The following DENND2B variants were observed in gnomAD, a reference collection of about 807,000 sequenced individuals.
DENND2B encodes DENN domain-containing protein 2B.
Under a neutral mutation model 116.0 loss-of-function variants are expected in DENND2B, and 32 were observed. That is an observed-to-expected ratio of 0.28 (90% confidence interval 0.21 to 0.37). The LOEUF is 0.37. Ranked by LOEUF, DENND2B falls within the 10% of genes least tolerant of loss-of-function variation. The pLI, the probability that DENND2B is intolerant of heterozygous loss-of-function variation, is 1.00. For synonymous variants in DENND2B, 588 were observed against 583.9 expected (o/e 1.01, Z -0.10); for missense variants, 1,276 against 1,477.7 (o/e 0.86, Z 2.24).
At chr11:8,833,501 C>G (rs2062298070) in intron 4 of DENND2B, among the ~76,000 whole-genome samples, 1 of 152,092 alleles carries the variant, frequency 6.6e-6, no homozygotes, top group Admixed American at 6.5e-5. Flanking sequence ...AAACCTTAAT[C>G]AGTTGCTAGC....
At chr11:8,727,900 GTTTTT>G (rs35687800) in intron 3 of DENND2B, among the ~76,000 whole-genome samples, 2 of 121,652 alleles carry the variant, frequency 1.6e-5, no homozygotes, top group Admixed American at 8.8e-5. Context: ...TTCTCCCCAG[GTTTTT>G]TTTTTTTTTT....
chr11:8,771,560 A>AGC (rs1555183115), intron 1 of DENND2B: 3 of 149,608 alleles, frequency 2.0e-5, no homozygotes, highest in Non-Finnish European at 4.5e-5. Flanking sequence ...AGAGAGAGAG[A>AGC]GAGAGAGCCT....
intron 4 of DENND2B, among the ~76,000 whole-genome samples, chr11:8,724,728 A>T (rs1163792372): frequency 6.6e-6 from 1 of 152,226 alleles, no homozygotes; most frequent in Non-Finnish European, 1.5e-5. Flanking sequence ...ACAGTTCCAG[A>T]CTGTATTTTA....
intron 1 of DENND2B, among the ~76,000 whole-genome samples, chr11:8,801,367 A>C (rs1018852095): frequency 6.6e-6 from 1 of 152,114 alleles, no homozygotes; most frequent in African/African-American, 2.4e-5. Flanking sequence ...CAAACCCAAC[A>C]GACAAGCCAC....
In DENND2B at chr11:8,730,483, G is replaced by A; in HGVS notation, c.807C>T (p.Leu269=). The change falls in exon 3 of 20, where the codon CTC becomes CTT. Residue 269 remains leucine (L), a synonymous_variant. Coordinates refer to ENST00000313726, the MANE Select transcript of DENND2B (RefSeq NM_213618.2). This position sits in a 1 kb window ranked among gnomAD's most constrained non-coding sequence, Gnocchi z 4.1. The stretch of plus-strand genomic sequence containing the variant: ...TCTCCTTCCTGCTGCCATGCCCCCT[G>A]AGGAAGGCGCTGGGCTCACTCCGGC... The part of the protein sequence containing the change: ...RLGRSEPSAF[L]RGHGSRKESS... 6.2e-7 allele frequency: 1 copy of A among 1,612,156 alleles called. No individual in the cohort carries two copies. The highest frequency in any genetic ancestry group is 8.5e-7 in the Non-Finnish European group (1 of 1,180,026).
chr11:8,784,852 A>G (rs2058745382), intron 1 of DENND2B, among the ~76,000 whole-genome samples: 1 of 150,290 alleles, frequency 6.7e-6, no homozygotes. Flanking sequence ...AAAAAAAAAG[A>G]AAAGAAACAG....
At chr11:8,863,107 G>A (rs1460662179) in intron 2 of DENND2B, among the ~76,000 whole-genome samples, 1 of 151,704 alleles carries the variant, frequency 6.6e-6, no homozygotes, top group East Asian at 1.9e-4. Flanking sequence ...CTTGAGCCTG[G>A]GAGTTCGAGA....
intron 1 of DENND2B, among the ~76,000 whole-genome samples, chr11:8,893,262 C>A (rs2064056733): frequency 6.6e-6 from 1 of 152,108 alleles, no homozygotes; most frequent in South Asian, 2.1e-4. Context: ...ATAATAAGAG[C>A]TACTTATGAC....
chr11:8,730,177 G>A lies in DENND2B; in HGVS notation c.1113C>T (p.Ser371=), dbSNP rs576320814. Reference sequence around the variant, plus strand: ...GGGAACTCTTCGATGGCAGCCGCTGGGAGCTAGGGCTATTTCCAGGGGTCC... The same window carrying A: ...GGGAACTCTTCGATGGCAGCCGCTGAGAGCTAGGGCTATTTCCAGGGGTCC... ...KPGTPGNSPS[S]QRLPSKSSLD... The change falls in exon 3 of 20, where the codon TCC becomes TCT. Residue 371 remains serine, a synonymous_variant. Coordinates refer to ENST00000313726, the MANE Select transcript of DENND2B (RefSeq NM_213618.2). The surrounding 1 kb of genome is among the most constrained non-coding windows in gnomAD (Gnocchi z 4.1). 1.1e-4 allele frequency: 182 copies of A among 1,614,116 alleles called. 3 individuals carry two copies. In the South Asian group the frequency reaches 1.9e-3, roughly 17 times the overall value.
At position 8,731,213 on chromosome 11, in the gene DENND2B, G is replaced by T. The variant is rs182856766; in HGVS notation, c.81-4C>A. ...AGGTGGAGAGACTGACTGAGACCTG[G>T]GGGCAAAACAAAACAAAGGAAAAGA... On this transcript the variant is annotated splice_polypyrimidine_tract_variant and splice_region_variant and intron_variant, in intron 2 of 19. Coordinates refer to ENST00000313726, the MANE Select transcript of DENND2B (RefSeq NM_213618.2). 7,017 of 1,485,214 alleles carry T rather than the reference G, an allele frequency of 4.7e-3. 29 individuals carry two copies. Among genetic ancestry groups the T allele is most frequent in the Admixed American group, 5.8e-3 (220 of 37,778 alleles). 92.0% of individuals were successfully genotyped at this position (1,485,214 alleles called of 1,614,324 possible).
chr11:8,725,397 G>A (rs894751069), intron 4 of DENND2B, among the ~76,000 whole-genome samples: 8 of 148,084 alleles, frequency 5.4e-5, no homozygotes, highest in African/African-American at 1.5e-4. Flanking sequence ...TTTTTGAGAC[G>A]GAGTTTCACT....
At chr11:8,794,711 A>T (rs1396765909) in intron 1 of DENND2B, 1 of 152,288 alleles carries the variant, frequency 6.6e-6, no homozygotes, top group African/African-American at 2.4e-5. Flanking sequence ...GCTGAAGTAG[A>T]CAGCAAAGGG....
chr11:8,693,750 G>A lies in DENND2B; in HGVS notation c.*346C>T, dbSNP rs1365449058. The A allele has an allele frequency of 3.9e-6, 1 of 253,312 alleles. No homozygotes were observed. Among genetic ancestry groups the A allele is most frequent in the Non-Finnish European group, 7.5e-6 (1 of 132,910 alleles). 15.7% of individuals were successfully genotyped at this position (253,312 alleles called of 1,614,324 possible). A position where few individuals can be genotyped will look rare whatever the true frequency, so the allele number is the denominator to read the frequency against. Reference sequence around the variant, plus strand: ...AGGCAGGCCGAAGGCCTCCAGGGAAGATCAGTGGTTTGGCTGAGACAGTCA... The same window carrying A: ...AGGCAGGCCGAAGGCCTCCAGGGAAAATCAGTGGTTTGGCTGAGACAGTCA... On this transcript the variant is annotated 3_prime_UTR_variant, in exon 20 of 20. Coordinates refer to ENST00000313726, the MANE Select transcript of DENND2B (RefSeq NM_213618.2).
chr11:8,873,467 T>A (rs1049253353), upstream of DENND2B, among the ~76,000 whole-genome samples: 1 of 152,248 alleles, frequency 6.6e-6, no homozygotes, highest in Non-Finnish European at 1.5e-5. Context: ...TGTCTAAATA[T>A]AGTCTAAATA....
At chr11:8,870,498 TG>T (rs2063740514) in intron 2 of DENND2B, among the ~76,000 whole-genome samples, 1 of 143,116 alleles carries the variant, frequency 7.0e-6, no homozygotes, top group Admixed American at 7.2e-5. Context: ...CTGTGTGTGT[TG>T]TGCGTGTGTA....
intron 3 of DENND2B, 45 bp from the exon 4 acceptor site, chr11:8,726,254 C>T (rs2047067228): frequency 6.4e-7 from 1 of 1,566,396 alleles, no homozygotes; most frequent in African/African-American, 1.4e-5. Context: ...AATCAGATCT[C>T]TGCTGCCTTG....
intron 1 of DENND2B, among the ~76,000 whole-genome samples, chr11:8,896,132 A>T (rs1368959151): frequency 6.6e-6 from 1 of 152,124 alleles, no homozygotes; most frequent in African/African-American, 2.4e-5. Context: ...GAGATATAAA[A>T]TTTTCTCTAG....
At chr11:8,717,946 A>C in intron 4 of DENND2B, 54 bp from the exon 5 acceptor site, 1 of 1,578,214 alleles carries the variant, frequency 6.3e-7, no homozygotes, top group Non-Finnish European at 8.6e-7. Context: ...GAAACACACG[A>C]ACTCACACAC....
chr11:8,808,115 A>T (rs1158382530), intron 1 of DENND2B: 1 of 152,242 alleles, frequency 6.6e-6, no homozygotes, highest in African/African-American at 2.4e-5. Context: ...TTCTTTCCCC[A>T]TAAGCTGTGG....
Sources: gnomAD v4.1 joint callset for allele counts (sites outside exome capture counted in the v4.1 genomes callset) on GRCh38, gnomAD v4.1.1 for gene constraint, Gnocchi (gnomAD v3.1) non-coding constraint, MANE v1.5 for transcripts, NCBI Gene and HGNC (gene_info 2026-07-23, HGNC 2026-07-21) for gene names.